The following PCLO variants were observed in gnomAD, a reference collection of about 807,000 sequenced individuals.
The protein encoded by PCLO is piccolo presynaptic cytomatrix protein.
In PCLO, 82 loss-of-function variants were observed where a neutral mutation model predicts 427.5. The ratio of observed to expected loss-of-function variants is 0.19; its 90% confidence interval spans 0.16 to 0.23. The LOEUF is 0.23. Ranked by LOEUF, PCLO falls within the 10% of genes least tolerant of loss-of-function variation. The pLI, the probability that PCLO is intolerant of heterozygous loss-of-function variation, is 1.00. For synonymous variants in PCLO, 2,357 were observed against 2,155.4 expected, an observed-to-expected ratio of 1.09 and a Z score of -2.59; for missense variants, 6,239 against 6,115.9, an observed-to-expected ratio of 1.02 and a Z score of -0.67.
Position 82,966,037 on chromosome 7 carries a change from CTGGGAG to C in PCLO, c.3745_3750del (p.Leu1249_Pro1250del), listed in dbSNP as rs2115659903. ...TCTTCTGGGGCTGATGTTTTTGCCT[CTGGGAG>C]TAGCTTTTTGTCTTCAGGGGTTGGC... On this transcript the variant is annotated inframe_deletion, in exon 4 of 25. Coordinates refer to ENST00000333891, the MANE Select transcript of PCLO (RefSeq NM_033026.6). The C allele has an allele frequency of 6.2e-7, 1 of 1,613,392 alleles. No individual in the cohort carries two copies. Among genetic ancestry groups the C allele is most frequent in the Admixed American group, 1.7e-5 (1 of 59,892 alleles).
chr7:82,859,448 CAA>C (rs567638762), intron 10 of PCLO, among the ~76,000 whole-genome samples: 49 of 152,174 alleles, frequency 3.2e-4, no homozygotes, highest in Non-Finnish European at 6.6e-4. Context: ...GAGAAGAGAA[CAA>C]GAGTCTCTGT....
Position 82,891,865 on chromosome 7 carries a change from T to C in PCLO, c.13528+10786A>G, listed in dbSNP as rs558719220. ...ACCTAGGAATCCAACTCACAAGGGA[T>C]GTGAAGGACCTCTTCAAGAAGAACT... is the stretch of plus-strand genomic sequence containing the variant. On this transcript the variant is annotated intron_variant, in intron 9 of 24. Transcript: ENST00000333891. 2.0e-5 allele frequency among the ~76,000 whole-genome samples: 3 copies of C among 152,132 alleles called. No homozygotes were observed. In the South Asian group the frequency reaches 6.2e-4, roughly 32 times the overall value.
At chr7:82,788,449 A>T (rs1267779888) in intron 22 of PCLO, among the ~76,000 whole-genome samples, 1 of 151,868 alleles carries the variant, frequency 6.6e-6, no homozygotes, top group Non-Finnish European at 1.5e-5. Flanking sequence ...GAAATTCCTT[A>T]ATGTTCTCAG....
At position 82,760,793 on chromosome 7, in the gene PCLO, A is replaced by T; in HGVS notation, c.15143-9T>A. On this transcript the variant is annotated splice_polypyrimidine_tract_variant and intron_variant, in intron 23 of 24. Coordinates refer to ENST00000333891, the MANE Select transcript of PCLO (RefSeq NM_033026.6). ...TATTTTCACATATAAATCTGAAAAT[A>T]AGAATTCAGCCCATTAAATTCCATC... The T allele has an allele frequency of 7.3e-7, 1 of 1,370,534 alleles. No homozygotes were observed. Among genetic ancestry groups the T allele is most frequent in the Non-Finnish European group, 1.0e-6 (1 of 988,538 alleles). The allele number at this position is 1,370,534 out of a possible 1,614,324, so 84.9% of individuals were successfully genotyped here. A position where few individuals can be genotyped will look rare whatever the true frequency, so the allele number is the denominator to read the frequency against.
At chr7:82,939,646 AAT>A (rs370300134) in intron 6 of PCLO, among the ~76,000 whole-genome samples, 2,890 of 146,938 alleles carry the variant, frequency 0.02, 104 homozygotes, top group African/African-American at 0.069. Flanking sequence ...TTCCACTGGA[AAT>A]ATATATATAT....
At chr7:83,027,825 C>G (rs1397539743) in intron 3 of PCLO, among the ~76,000 whole-genome samples, 14 of 105,486 alleles carry the variant, frequency 1.3e-4, no homozygotes, top group African/African-American at 4.8e-4. Context: ...TAAATGTAAT[C>G]CAGCATATAA....
chr7:83,131,381 A>G (rs1791568130), intron 3 of PCLO, among the ~76,000 whole-genome samples: 1 of 152,116 alleles, frequency 6.6e-6, no homozygotes. Flanking sequence ...AAACAACCTT[A>G]GCGACAGGTG....
At chr7:83,124,053 A>G (rs1309551289) in intron 3 of PCLO, among the ~76,000 whole-genome samples, 1 of 151,004 alleles carries the variant, frequency 6.6e-6, no homozygotes, top group Non-Finnish European at 1.5e-5. Flanking sequence ...TCACACCTGT[A>G]ATCTCAGTAC....
chr7:83,134,285 G>T lies in PCLO; in HGVS notation c.3265C>A (p.Leu1089Ile), dbSNP rs747708223. The change falls in exon 3 of 25, where the codon CTC becomes ATC. Residue 1089 changes from leucine (L) to isoleucine (I), a missense_variant. Transcript: ENST00000333891. ...TGTGGTGTAGGGTTAAATCCACAGA[G>T]ATTACACACTTGATTCTTGCATTCA... ...CTECKNQVCNLCGFNPTPHLT... is the reference protein window; with the variant it reads ...CTECKNQVCNICGFNPTPHLT... 3 of 1,564,364 alleles carry T rather than the reference G, an allele frequency of 1.9e-6. No homozygotes were observed. Among genetic ancestry groups the T allele is most frequent in the East Asian group, 2.3e-5 (1 of 42,850 alleles).
At chr7:82,773,312 G>A (rs1790683727) in intron 22 of PCLO, among the ~76,000 whole-genome samples, 1 of 152,182 alleles carries the variant, frequency 6.6e-6, no homozygotes, top group African/African-American at 2.4e-5. Flanking sequence ...GCTACCAATA[G>A]CTGTAGAACA....
In PCLO at chr7:83,097,022, T is replaced by A. The variant is rs1422471093; in HGVS notation, c.3300+37228A>T. Among the ~76,000 whole-genome samples the A allele has an allele frequency of 3.0e-3, 111 of 37,362 alleles. 8 individuals are homozygous for A. The highest frequency in any genetic ancestry group is 3.6e-3 in the Non-Finnish European group (79 of 22,096). 24.5% of individuals were successfully genotyped at this position (37,362 alleles called of 152,430 possible). A position where few individuals can be genotyped will look rare whatever the true frequency, so the allele number is the denominator to read the frequency against. On this transcript the variant is annotated intron_variant, in intron 3 of 24. Coordinates refer to ENST00000333891, the MANE Select transcript of PCLO (RefSeq NM_033026.6). ...TTATATAAATAATATATATTATATATTATATAAATATATATTATATATTAT... is the reference window on the plus strand; with the variant it reads ...TTATATAAATAATATATATTATATAATATATAAATATATATTATATATTAT...
At chr7:82,927,365 G>C (rs1794736361) in intron 6 of PCLO, among the ~76,000 whole-genome samples, 1 of 152,064 alleles carries the variant, frequency 6.6e-6, no homozygotes, top group Admixed American at 6.6e-5. Flanking sequence ...ATCATTCTAT[G>C]TGTAAATCAG....
At chr7:83,075,373 G>C (rs746031228) in intron 3 of PCLO, among the ~76,000 whole-genome samples, 3 of 152,096 alleles carry the variant, frequency 2.0e-5, no homozygotes, top group Non-Finnish European at 4.4e-5. Flanking sequence ...ATTAGGCCTT[G>C]CTCAATTATA....
At chr7:82,817,676 G>T (rs538097309) in intron 20 of PCLO, among the ~76,000 whole-genome samples, 3 of 152,164 alleles carry the variant, frequency 2.0e-5, no homozygotes, top group Non-Finnish European at 4.4e-5. Flanking sequence ...GGAGTTTCCA[G>T]TAGTGGTCTG....
chr7:83,141,159 C>A (rs1362788465), intron 2 of PCLO, among the ~76,000 whole-genome samples: 1 of 152,158 alleles, frequency 6.6e-6, no homozygotes, highest in Non-Finnish European at 1.5e-5. Flanking sequence ...TACTACAATC[C>A]ACATCCATTT....
chr7:82,989,425 A>G (rs948101825), intron 3 of PCLO, among the ~76,000 whole-genome samples: 1 of 152,146 alleles, frequency 6.6e-6, no homozygotes, highest in African/African-American at 2.4e-5. Flanking sequence ...CTTGAAAATT[A>G]TAATAATCAT....
chr7:82,944,677 C>T (rs746146955), intron 6 of PCLO, among the ~76,000 whole-genome samples: 1 of 152,060 alleles, frequency 6.6e-6, no homozygotes, highest in Non-Finnish European at 1.5e-5. Flanking sequence ...ATACAGTTAC[C>T]GGAACTTTTG....
chr7:83,012,996 T>C (rs1788121926), intron 3 of PCLO, among the ~76,000 whole-genome samples: 1 of 152,070 alleles, frequency 6.6e-6, no homozygotes, highest in South Asian at 2.1e-4. Context: ...AGTTTCAAAT[T>C]TGCTATATGA....
intron 4 of PCLO, among the ~76,000 whole-genome samples, chr7:82,958,911 T>G (rs1795593574): frequency 1.3e-5 from 2 of 152,182 alleles, no homozygotes; most frequent in Admixed American, 6.5e-5. Context: ...CTTCCTTGTT[T>G]ATCTTTTTTT....
Sources: allele counts gnomAD v4.1 joint callset (sites outside exome capture counted in the v4.1 genomes callset), GRCh38; gene constraint gnomAD v4.1.1; transcripts MANE v1.5; gene names NCBI Gene and HGNC (gene_info 2026-07-23, HGNC 2026-07-21).